The following MAGI2 variants were observed in gnomAD, a reference collection of about 807,000 sequenced individuals.
MAGI2 encodes membrane-associated guanylate kinase, WW and PDZ domain-containing protein 2.
In MAGI2, 35 loss-of-function variants were observed where a neutral mutation model predicts 133.3. That is an observed-to-expected ratio of 0.26 (90% confidence interval 0.20 to 0.35). MAGI2 has a LOEUF of 0.35. Among genes scored for constraint, MAGI2 ranks in the 10% least tolerant of loss-of-function variants. The probability of loss-of-function intolerance (pLI) is 1.00; values close to 1 mark genes in which losing one functional copy is unlikely to be tolerated. For synonymous variants in MAGI2, 729 were observed against 710.6 expected (o/e 1.03, Z -0.41); for missense variants, 1,636 against 1,863.4 (o/e 0.88, Z 2.25).
At chr7:78,569,230 T>C (rs1345711246) in intron 3 of MAGI2, among the ~76,000 whole-genome samples, 1 of 152,206 alleles carries the variant, frequency 6.6e-6, no homozygotes, top group African/African-American at 2.4e-5. Context: ...CATTTATTTA[T>C]ATAGTGTTTC....
At chr7:78,977,248 T>A (rs1736015469) in intron 2 of MAGI2, among the ~76,000 whole-genome samples, 1 of 151,492 alleles carries the variant, frequency 6.6e-6, no homozygotes, top group Non-Finnish European at 1.5e-5. Context: ...ACACATCACA[T>A]ATAGGTCAAT....
intron 1 of MAGI2, among the ~76,000 whole-genome samples, chr7:79,319,074 C>A (rs867620497): frequency 6.6e-6 from 1 of 152,140 alleles, no homozygotes; most frequent in African/African-American, 2.4e-5. Context: ...GGTATCTCAG[C>A]GTCTGCAGTC....
At chr7:78,526,191 C>T (rs1399068074) in intron 3 of MAGI2, among the ~76,000 whole-genome samples, 1 of 152,164 alleles carries the variant, frequency 6.6e-6, no homozygotes, top group Admixed American at 6.5e-5. Context: ...ATGTGTGATG[C>T]AATCGCAACC....
At chr7:79,257,321 C>T (rs538757130) in intron 1 of MAGI2, among the ~76,000 whole-genome samples, 11 of 152,134 alleles carry the variant, frequency 7.2e-5, no homozygotes, top group African/African-American at 2.4e-4. Flanking sequence ...AACCAAATCA[C>T]CTCACAGATA....
At chr7:78,333,466 A>G (rs1472913579) in intron 9 of MAGI2, among the ~76,000 whole-genome samples, 1 of 152,200 alleles carries the variant, frequency 6.6e-6, no homozygotes, top group East Asian at 1.9e-4. Flanking sequence ...GGGCTGACCT[A>G]TGACTCTCTC....
At chr7:78,648,516 T>C (rs1243949597) in intron 2 of MAGI2, among the ~76,000 whole-genome samples, 1 of 152,246 alleles carries the variant, frequency 6.6e-6, no homozygotes, top group Non-Finnish European at 1.5e-5. Context: ...TTCACTTGTC[T>C]TTTATTTATT....
intron 6 of MAGI2, among the ~76,000 whole-genome samples, chr7:78,482,728 C>T (rs1792524843): frequency 2.0e-5 from 3 of 151,750 alleles, no homozygotes; most frequent in Non-Finnish European, 4.4e-5. Flanking sequence ...AGATCAGTGG[C>T]TGTCAAGGGT....
Position 78,910,665 on chromosome 7 carries a change from C to T in MAGI2, c.418+96425G>A, listed in dbSNP as rs111711984. Among the ~76,000 whole-genome samples, 39 of 152,236 alleles carry T rather than the reference C, an allele frequency of 2.6e-4. 1 individual carries two copies. The highest frequency in any genetic ancestry group is 2.2e-4 in the Non-Finnish European group (15 of 68,022). On this transcript the variant is annotated intron_variant, in intron 2 of 21. Transcript: ENST00000354212. ...CTAGTCTAATATTCCAACTTCCTAA[C>T]GTGGGAAAACGGTACTGGTTAGTTT...
Position 79,420,490 on chromosome 7 carries a change from A to T in MAGI2, c.301+32530T>A, listed in dbSNP as rs151166589. On this transcript the variant is annotated intron_variant, in intron 1 of 21. Coordinates refer to ENST00000354212, the MANE Select transcript of MAGI2 (RefSeq NM_012301.4). ...TTTTGTTTCAACCTCACTTTTCTCA[A>T]TGTCAACATTATTCATCTCTTCTGT... 8.0e-4 allele frequency among the ~76,000 whole-genome samples: 121 copies of T among 152,036 alleles called. 2 individuals carry two copies. The highest frequency in any genetic ancestry group is 3.4e-3 in the Middle Eastern group (1 of 294).
At chr7:78,063,159 C>T (rs1407870651) in intron 21 of MAGI2, among the ~76,000 whole-genome samples, 1 of 152,138 alleles carries the variant, frequency 6.6e-6, no homozygotes, top group African/African-American at 2.4e-5. Flanking sequence ...TGTTTTTACC[C>T]TCCCATTAAA....
At chr7:78,739,032 C>T (rs528569423) in intron 2 of MAGI2, among the ~76,000 whole-genome samples, 1 of 152,154 alleles carries the variant, frequency 6.6e-6, no homozygotes, top group Non-Finnish European at 1.5e-5. Context: ...AAGAGATACT[C>T]AGTTTAGCTG....
At chr7:79,061,770 C>T (rs1289766369) in intron 1 of MAGI2, among the ~76,000 whole-genome samples, 2 of 152,016 alleles carry the variant, frequency 1.3e-5, no homozygotes, top group Non-Finnish European at 1.5e-5. Context: ...CAATTAAGGT[C>T]TGCTATCAGC....
chr7:79,000,374 C>T (rs961457946), intron 2 of MAGI2: 1 of 152,180 alleles, frequency 6.6e-6, no homozygotes, highest in Admixed American at 6.5e-5. Context: ...TTCATATCCA[C>T]AAAAACACAT....
intron 2 of MAGI2, among the ~76,000 whole-genome samples, chr7:78,667,327 C>A (rs919293967): frequency 6.7e-6 from 1 of 150,290 alleles, no homozygotes; most frequent in African/African-American, 2.4e-5. Context: ...TAAAACAAAG[C>A]GTGCAGTATT....
chr7:79,374,443 A>G (rs1843248941), intron 1 of MAGI2, among the ~76,000 whole-genome samples: 1 of 151,892 alleles, frequency 6.6e-6, no homozygotes, highest in East Asian at 1.9e-4. Flanking sequence ...CCTGGAAAAG[A>G]GCCCTCACTC....
chr7:78,356,797 G>A (rs964079010), intron 7 of MAGI2, among the ~76,000 whole-genome samples: 6 of 152,142 alleles, frequency 3.9e-5, no homozygotes, highest in African/African-American at 1.4e-4. Context: ...AAGGCAAGGA[G>A]GTGCCACTTG....
At position 78,317,570 on chromosome 7, in the gene MAGI2, A is replaced by C. The variant is rs1411740872; in HGVS notation, c.1408+26208T>G. Among the ~76,000 whole-genome samples, 6 of 152,240 alleles carry C rather than the reference A, an allele frequency of 3.9e-5. No individual in the cohort carries two copies. In the South Asian group the frequency reaches 1.2e-3, roughly 31 times the overall value. ...GCGGCTGTGGGCGCAGCTTCAGCCG[A>C]CTTAAACGTCTCTGTATGATGGCTC... is the stretch of plus-strand genomic sequence containing the variant. On this transcript the variant is annotated intron_variant, in intron 9 of 21. Coordinates refer to ENST00000354212, the MANE Select transcript of MAGI2 (RefSeq NM_012301.4).
chr7:78,659,897 A>G (rs1436364351), intron 2 of MAGI2, among the ~76,000 whole-genome samples: 1 of 152,194 alleles, frequency 6.6e-6, no homozygotes, highest in African/African-American at 2.4e-5. Flanking sequence ...AACTGAAGGT[A>G]GTATTTAACA....
At chr7:79,433,029 TC>T (rs879745022) in intron 1 of MAGI2, among the ~76,000 whole-genome samples, 1 of 152,150 alleles carries the variant, frequency 6.6e-6, no homozygotes, top group Non-Finnish European at 1.5e-5. Flanking sequence ...CACACTAACC[TC>T]CCTTTTCACT....
Sources: gnomAD v4.1 joint callset for allele counts (sites outside exome capture counted in the v4.1 genomes callset) on GRCh38, gnomAD v4.1.1 for gene constraint, MANE v1.5 for transcripts, NCBI Gene and HGNC (gene_info 2026-07-23, HGNC 2026-07-21) for gene names.